Variants in TSEN2 observed in about 807,000 individuals in gnomAD.
TSEN2 encodes the protein tRNA-splicing endonuclease subunit Sen2.
In TSEN2, 54 loss-of-function variants were observed where a neutral mutation model predicts 59.2. The observed-to-expected ratio is 0.91, with a 90% CI of 0.73 to 1.14. The LOEUF (loss-of-function observed/expected upper bound fraction) is 1.14, where lower values mean the gene tolerates loss of function less well. TSEN2 is among the 50% of genes most tolerant of loss of function. TSEN2 has a pLI of 0.00. For missense variants in TSEN2, 636 were observed against 576.2 expected, an observed-to-expected ratio of 1.10 and a Z score of -1.06; for synonymous variants, 195 against 198.2, an observed-to-expected ratio of 0.98 and a Z score of 0.14.
chr3:12,529,654 A>T, intron 9 of TSEN2, 108 bp from the exon 10 acceptor site: 2 of 970,558 alleles, frequency 2.1e-6, no homozygotes, highest in Non-Finnish European at 3.1e-6. Flanking sequence ...TTAGAATCAG[A>T]TGATGCAAAT....
At chr3:12,501,011 A>T (rs2054232372) in intron 4 of TSEN2, among the ~76,000 whole-genome samples, 1 of 152,234 alleles carries the variant, frequency 6.6e-6, no homozygotes, top group Non-Finnish European at 1.5e-5. Context: ...CCAGAAAAAT[A>T]TATTGTCACA....
At position 12,519,121 on chromosome 3, in the gene TSEN2, C is replaced by A; in HGVS notation, c.1023C>A (p.Thr341=). ...AFTVVQPTFR[T]TYMAYHYFRS... is the part of the protein sequence containing the mutation. ...CTGTAGTTCAGCCCACGTTCAGAACCACCTACATGGCCTACCATTACTTTC... is the reference window on the plus strand; with the variant it reads ...CTGTAGTTCAGCCCACGTTCAGAACAACCTACATGGCCTACCATTACTTTC... Residue 341 remains threonine, a synonymous_variant, in exon 8 of 12, where the codon ACC becomes ACA. Coordinates refer to ENST00000284995, the MANE Select transcript of TSEN2 (RefSeq NM_025265.4). 4.3e-6 allele frequency: 7 copies of A among 1,614,180 alleles called. No individual in the cohort carries two copies. Among genetic ancestry groups the A allele is most frequent in the Non-Finnish European group, 4.2e-6 (5 of 1,180,030 alleles).
intron 6 of TSEN2, among the ~76,000 whole-genome samples, chr3:12,513,011 G>A (rs1255674589): frequency 6.6e-6 from 1 of 152,168 alleles, no homozygotes; most frequent in East Asian, 1.9e-4. Flanking sequence ...GGATGTGATT[G>A]TCAACCTCTA....
chr3:12,490,118 TC>T, intron 2 of TSEN2, 129 bp downstream of exon 2: 2 of 962,982 alleles, frequency 2.1e-6, no homozygotes, highest in African/African-American at 1.6e-5. Context: ...TGCGGTTTGG[TC>T]CAGTTGTAGG....
chr3:12,488,056 A>G (rs1214948315), intron 1 of TSEN2, among the ~76,000 whole-genome samples: 1 of 152,180 alleles, frequency 6.6e-6, no homozygotes, highest in African/African-American at 2.4e-5. Flanking sequence ...CTGTGTCCTC[A>G]TATAATTCCT....
chr3:12,498,374 G>A (rs934094057), intron 4 of TSEN2, among the ~76,000 whole-genome samples: 6 of 152,134 alleles, frequency 3.9e-5, no homozygotes, highest in Admixed American at 6.5e-5. Flanking sequence ...AACTCAATCT[G>A]CATTCAGATA....
At position 12,531,613 on chromosome 3, in the gene TSEN2, A is replaced by G; in HGVS notation, c.1292A>G (p.Asp431Gly). The G allele has an allele frequency of 6.2e-7, 1 of 1,613,622 alleles. No homozygotes were observed. Among genetic ancestry groups the G allele is most frequent in the Non-Finnish European group, 8.5e-7 (1 of 1,179,472 alleles). ...TTGATTAAACCCTCTACTATGACTG[A>G]CAAGGAAATGGAGTCACCAGAATGT... ...CYLIKPSTMT[D>G]KEMESPECMK... Residue 431 changes from aspartate to glycine, a missense_variant, in exon 11 of 12, where the codon GAC becomes GGC. Physicochemically the swap from Asp to Gly is moderately conservative, Grantham distance 94 (BLOSUM62 -1). Coordinates refer to ENST00000284995, the MANE Select transcript of TSEN2 (RefSeq NM_025265.4).
downstream of TSEN2, among the ~76,000 whole-genome samples, chr3:12,533,909 G>C (rs1260121062): frequency 6.6e-6 from 1 of 152,148 alleles, no homozygotes; most frequent in Non-Finnish European, 1.5e-5. Flanking sequence ...TGGGAGTTGA[G>C]ATGCGGCAGA....
rs1216719100 is a variant in TSEN2, at chr3:12,503,776, A to C, written c.823A>C (p.Asn275His). Residue 275 changes from asparagine (N) to histidine (H), a missense_variant, in exon 5 of 12, where the codon AAT becomes CAT. Physicochemically the swap from Asn to His is moderately conservative, Grantham distance 68. Coordinates refer to ENST00000284995, the MANE Select transcript of TSEN2 (RefSeq NM_025265.4). ...CAMSEREAAP[N>H]EELVQRNRLI... ...CATGAGCGAGAGGGAGGCTGCCCCA[A>C]ATGAGGAAGTAAGTAGAAGAAAATA... The C allele has an allele frequency of 1.2e-6, 2 of 1,613,948 alleles. No homozygotes were observed. Among genetic ancestry groups the C allele is most frequent in the South Asian group, 2.2e-5 (2 of 91,032 alleles).
rs774798241 is a variant in TSEN2, at chr3:12,492,187, T to G, written c.241T>G (p.Ser81Ala). The change falls in exon 3 of 12, where the codon TCA becomes GCA. Residue 81 changes from serine (S) to alanine (A), a missense_variant. Coordinates refer to ENST00000284995, the MANE Select transcript of TSEN2 (RefSeq NM_025265.4). ...AAGAAGCCGTCCAAGCTTCACAATT[T>G]CAGATCCTAAACTGGTTGCTAAATG... is the stretch of plus-strand genomic sequence containing the variant. Reference protein sequence around the residue: ...LSRSRPSFTISDPKLVAKWKD... With the variant: ...LSRSRPSFTIADPKLVAKWKD... The G allele has an allele frequency of 1.7e-5, 27 of 1,614,048 alleles. No individual in the cohort carries two copies. In the South Asian group the frequency reaches 2.9e-4, roughly 17 times the overall value.
At chr3:12,535,893 G>A (rs2057663921), downstream of TSEN2, among the ~76,000 whole-genome samples, 2 of 152,118 alleles carry the variant, frequency 1.3e-5, no homozygotes, top group South Asian at 2.1e-4. Flanking sequence ...AAACAGGGGC[G>A]ACGTTGGAAA....
chr3:12,528,791 G>C, intron 8 of TSEN2, 97 bp from the exon 9 acceptor site: 1 of 1,288,176 alleles, frequency 7.8e-7, no homozygotes, highest in South Asian at 1.2e-5. Flanking sequence ...CTTCCTTTTG[G>C]AGAAGAAAAG....
At chr3:12,502,869 C>T (rs1226572067) in intron 4 of TSEN2, among the ~76,000 whole-genome samples, 5 of 151,982 alleles carry the variant, frequency 3.3e-5, no homozygotes, top group South Asian at 4.1e-4. Flanking sequence ...GTCAGGAGAT[C>T]GAGACCATCC....
downstream of TSEN2, among the ~76,000 whole-genome samples, chr3:12,535,577 G>A (rs2057656307): frequency 6.6e-6 from 1 of 152,036 alleles, no homozygotes; most frequent in African/African-American, 2.4e-5. Context: ...TGTTGCCCAG[G>A]CTGGAGTGCA....
Position 12,516,669 on chromosome 3 carries a change from G to A in TSEN2, c.960+8G>A. The A allele has an allele frequency of 1.9e-6, 3 of 1,613,668 alleles. No individual in the cohort carries two copies. Among genetic ancestry groups the A allele is most frequent in the South Asian group, 1.1e-5 (1 of 91,060 alleles). ...AGTATTTACTATGAGAAGGTAAGAT[G>A]CTTTGTTTACATACAACCCACTTAA... On this transcript the variant is annotated splice_region_variant and intron_variant, in intron 7 of 11. Transcript: ENST00000284995.
chr3:12,531,260 A>G (rs1159883512), intron 10 of TSEN2: 1 of 307,318 alleles, frequency 3.3e-6, no homozygotes, highest in Non-Finnish European at 6.2e-6. Flanking sequence ...CATTTCACTT[A>G]AAGTCCGTGT....
At chr3:12,523,526 C>CTTTTGTTTTTTTTTTTTTTTTTTT (rs2056822013) in intron 8 of TSEN2, among the ~76,000 whole-genome samples, 1 of 46,480 alleles carries the variant, frequency 2.2e-5, no homozygotes, top group African/African-American at 7.9e-5. Flanking sequence ...CTCTTTGATT[C>CTTTTGTTTTTTTTTTTTTTTTTTT]TTTTTTTTTT....
At chr3:12,490,334 G>A (rs1436908381) in intron 2 of TSEN2, among the ~76,000 whole-genome samples, 1 of 152,166 alleles carries the variant, frequency 6.6e-6, no homozygotes, top group African/African-American at 2.4e-5. Context: ...GGGTAAAAAA[G>A]TGAAAATTCC....
At chr3:12,539,168 C>G in exon 11 of TSEN2, 1 of 441,312 alleles carries the variant, frequency 2.3e-6, no homozygotes, top group Non-Finnish European at 4.5e-6. Context: ...TAGTCTCGCT[C>G]TGTCGTCCAG....
Sources: allele counts gnomAD v4.1 joint callset (sites outside exome capture counted in the v4.1 genomes callset), GRCh38; gene constraint gnomAD v4.1.1; transcripts MANE v1.5; gene names NCBI Gene and HGNC (gene_info 2026-07-23, HGNC 2026-07-21).